Variants in GALNT18 observed in about 807,000 individuals in gnomAD.
GALNT18 encodes polypeptide N-acetylgalactosaminyltransferase 18.
A neutral mutation model predicts 69.5 loss-of-function variants in GALNT18; 44 were observed. The observed-to-expected ratio is 0.63, with a 90% CI of 0.50 to 0.81. The LOEUF (loss-of-function observed/expected upper bound fraction) is 0.81, where lower values mean the gene tolerates loss of function less well. Among genes scored for constraint, GALNT18 ranks in the 40% least tolerant of loss-of-function variants. The pLI is 0.00. For synonymous variants in GALNT18, 364 were observed against 318.2 expected, an observed-to-expected ratio of 1.14 and a Z score of -1.53; for missense variants, 715 against 810.0, an observed-to-expected ratio of 0.88 and a Z score of 1.42.
Position 11,591,838 on chromosome 11 carries a change from C to T in GALNT18, c.235+29521G>A, listed in dbSNP as rs1859368093. 6.6e-6 allele frequency among the ~76,000 whole-genome samples: 1 copy of T among 152,094 alleles called. No individual in the cohort carries two copies. Among genetic ancestry groups the T allele is most frequent in the South Asian group, 2.1e-4 (1 of 4,818 alleles). On this transcript the variant is annotated intron_variant, in intron 1 of 10. Transcript: ENST00000227756. The surrounding 1 kb of genome is among the most constrained non-coding windows in gnomAD (Gnocchi z 4.8). The stretch of plus-strand genomic sequence containing the variant: ...ACACCTATAATCTTGAAAGCCAATA[C>T]CCAGCTGTGATTAGATGTTATGAAG...
intron 1 of GALNT18, among the ~76,000 whole-genome samples, chr11:11,525,923 C>A (rs540094241): frequency 7.2e-5 from 11 of 152,102 alleles, no homozygotes; most frequent in African/African-American, 2.7e-4. Context: ...CATGAGCCAC[C>A]GTGCCCGGCC....
At chr11:11,457,378 T>C (rs575064803) in intron 1 of GALNT18, among the ~76,000 whole-genome samples, 1 of 152,252 alleles carries the variant, frequency 6.6e-6, no homozygotes, top group Non-Finnish European at 1.5e-5. Context: ...ATAGAAATTC[T>C]GAGGTGCTGG....
Position 11,595,978 on chromosome 11 carries a change from A to C in GALNT18, c.235+25381T>G, listed in dbSNP as rs187780037. Among the ~76,000 whole-genome samples the C allele has an allele frequency of 2.5e-4, 38 of 152,280 alleles. No individual in the cohort carries two copies. Among genetic ancestry groups the C allele is most frequent in the Non-Finnish European group, 4.3e-4 (29 of 68,008 alleles). The stretch of plus-strand genomic sequence containing the variant: ...GCCTTTGCCTAATCTAAAGTCACAA[A>C]GATTTAGGTTTGTCTTCTTCTAAGA... On this transcript the variant is annotated intron_variant, in intron 1 of 10. Transcript: ENST00000227756. This position sits in a 1 kb window ranked among gnomAD's most constrained non-coding sequence, Gnocchi z 5.2.
chr11:11,596,737 GT>G lies in GALNT18; in HGVS notation c.235+24621del. 6.6e-6 allele frequency among the ~76,000 whole-genome samples: 1 copy of G among 152,042 alleles called. No individual in the cohort carries two copies. The highest frequency in any genetic ancestry group is 1.5e-5 in the Non-Finnish European group (1 of 67,968). ...GTAACCTCACTGAACTCACTTACTA[GT>G]TCTAACTGATTTTTAGTGGATTCCC... On this transcript the variant is annotated intron_variant, in intron 1 of 10. Transcript: ENST00000227756. The surrounding 1 kb of genome is among the most constrained non-coding windows in gnomAD (Gnocchi z 4.2).
chr11:11,534,957 G>C (rs1446221407), intron 1 of GALNT18, among the ~76,000 whole-genome samples: 2 of 152,232 alleles, frequency 1.3e-5, no homozygotes, highest in Non-Finnish European at 2.9e-5. Flanking sequence ...GGACGCCATG[G>C]GGCAGGGAGC....
At chr11:11,539,225 T>A (rs998209494) in intron 1 of GALNT18, among the ~76,000 whole-genome samples, 2 of 152,146 alleles carry the variant, frequency 1.3e-5, no homozygotes, top group Non-Finnish European at 2.9e-5. Context: ...AAGGCGCCCT[T>A]CCCAGCACCC....
chr11:11,310,812 T>G (rs970690028), intron 9 of GALNT18, among the ~76,000 whole-genome samples: 1 of 152,208 alleles, frequency 6.6e-6, no homozygotes, highest in African/African-American at 2.4e-5. Flanking sequence ...GTGGTAACAA[T>G]TGGGTTACTT....
At chr11:11,466,255 G>A (rs532010185) in intron 1 of GALNT18, among the ~76,000 whole-genome samples, 2 of 152,266 alleles carry the variant, frequency 1.3e-5, no homozygotes, top group African/African-American at 2.4e-5. Flanking sequence ...GTAGATCAAC[G>A]GACTGCAACC....
At chr11:11,458,925 G>T (rs1448279178) in intron 1 of GALNT18, among the ~76,000 whole-genome samples, 5 of 152,176 alleles carry the variant, frequency 3.3e-5, no homozygotes, top group Non-Finnish European at 7.3e-5. Flanking sequence ...CCAACACTGG[G>T]CAAACCCCCA....
At chr11:11,289,542 G>T (rs976969581) in intron 10 of GALNT18, among the ~76,000 whole-genome samples, 8 of 152,188 alleles carry the variant, frequency 5.3e-5, no homozygotes, top group Admixed American at 3.3e-4. Context: ...GGAACTTGGG[G>T]TGACTTTGCC....
In GALNT18 at chr11:11,497,448, T is replaced by C. The variant is rs770499813; in HGVS notation, c.236-48512A>G. ...AAGACTTTATGGGTCCCTGCTCTTA[T>C]GCAGGGCCTGTTCACCTGCACCTCC... On this transcript the variant is annotated intron_variant, in intron 1 of 10. Coordinates refer to ENST00000227756, the MANE Select transcript of GALNT18 (RefSeq NM_198516.3). The surrounding 1 kb of genome is among the most constrained non-coding windows in gnomAD (Gnocchi z 4.2). Among the ~76,000 whole-genome samples, 14 of 150,464 alleles carry C rather than the reference T, an allele frequency of 9.3e-5. No individual in the cohort carries two copies. Among genetic ancestry groups the C allele is most frequent in the Admixed American group, 1.3e-4 (2 of 14,926 alleles).
rs1442170955 is a variant in GALNT18, at chr11:11,337,421, A to G, written c.1278+3398T>C. On this transcript the variant is annotated intron_variant, in intron 7 of 10. Coordinates refer to ENST00000227756, the MANE Select transcript of GALNT18 (RefSeq NM_198516.3). The surrounding 1 kb of genome is among the most constrained non-coding windows in gnomAD (Gnocchi z 4.9). ...TGGTTCTGAAGAACTTTCCCAAAAA[A>G]CAGATCCCAGAGGCCCCTTCCAAAC... is the stretch of plus-strand genomic sequence containing the variant. Among the ~76,000 whole-genome samples the G allele has an allele frequency of 2.0e-5, 3 of 152,176 alleles. No homozygotes were observed. The highest frequency in any genetic ancestry group is 4.4e-5 in the Non-Finnish European group (3 of 68,044).
chr11:11,294,748 A>C (rs1209252246), intron 9 of GALNT18, among the ~76,000 whole-genome samples: 2 of 152,168 alleles, frequency 1.3e-5, no homozygotes, highest in African/African-American at 2.4e-5. Context: ...TGTTTTCAGC[A>C]ACTTCCCTCA....
intron 1 of GALNT18, among the ~76,000 whole-genome samples, chr11:11,579,626 T>A (rs571589235): frequency 1.3e-5 from 2 of 152,302 alleles, no homozygotes; most frequent in Non-Finnish European, 2.9e-5. Flanking sequence ...GCTTTGGGAC[T>A]GACACCTGGA....
At chr11:11,535,072 G>A (rs1416875705) in intron 1 of GALNT18, among the ~76,000 whole-genome samples, 2 of 152,246 alleles carry the variant, frequency 1.3e-5, no homozygotes, top group Admixed American at 1.3e-4. Context: ...TTAAATTGAG[G>A]AAATTGAATA....
intron 1 of GALNT18, among the ~76,000 whole-genome samples, chr11:11,498,604 G>T (rs1315722763): frequency 6.6e-6 from 1 of 152,184 alleles, no homozygotes; most frequent in Non-Finnish European, 1.5e-5. Flanking sequence ...TTCGCAACCA[G>T]CCTGGGCAAC....
Position 11,387,132 on chromosome 11 carries a change from G to A in GALNT18, c.596-7868C>T, listed in dbSNP as rs1300991061. 1.3e-5 allele frequency among the ~76,000 whole-genome samples: 2 copies of A among 152,144 alleles called. No homozygotes were observed. The highest frequency in any genetic ancestry group is 2.9e-5 in the Non-Finnish European group (2 of 68,028). ...AAGGATGTAAATGCAGTCTGAAAAC[G>A]GCTGCCTCACACCTGCCCAGGTAAT... On this transcript the variant is annotated intron_variant, in intron 3 of 10. Transcript: ENST00000227756. This position sits in a 1 kb window ranked among gnomAD's most constrained non-coding sequence, Gnocchi z 4.6.
chr11:11,531,680 A>C (rs1053151348), intron 1 of GALNT18, among the ~76,000 whole-genome samples: 1 of 152,114 alleles, frequency 6.6e-6, no homozygotes, highest in Non-Finnish European at 1.5e-5. Flanking sequence ...TCGCTTCCAA[A>C]GCTCTGGTTC....
intron 1 of GALNT18, among the ~76,000 whole-genome samples, chr11:11,559,615 G>C (rs1381495436): frequency 6.7e-6 from 1 of 149,506 alleles, no homozygotes; most frequent in Non-Finnish European, 1.5e-5. Flanking sequence ...GGATGGGATG[G>C]AATAGAATGA....
Sources: gnomAD v4.1 joint callset for allele counts (sites outside exome capture counted in the v4.1 genomes callset) on GRCh38, gnomAD v4.1.1 for gene constraint, Gnocchi (gnomAD v3.1) non-coding constraint, MANE v1.5 for transcripts, NCBI Gene and HGNC (gene_info 2026-07-23, HGNC 2026-07-21) for gene names.